Variants in CDH7 observed in about 807,000 individuals in gnomAD.
CDH7 encodes the protein cadherin-7.
In CDH7, 25 loss-of-function variants were observed where a neutral mutation model predicts 71.8. The ratio of observed to expected loss-of-function variants is 0.35; its 90% CI spans 0.25 to 0.49. CDH7 has a LOEUF of 0.49. CDH7 is among the 20% of genes least tolerant of loss of function. The probability of loss-of-function intolerance (pLI) is 0.99; values close to 1 mark genes in which losing one functional copy is unlikely to be tolerated. For synonymous variants in CDH7, 381 were observed against 363.8 expected (o/e 1.05, Z -0.54); for missense variants, 862 against 974.6 (o/e 0.88, Z 1.54).
At chr18:65,815,425 A>T (rs970026376) in intron 4 of CDH7, among the ~76,000 whole-genome samples, 1 of 152,158 alleles carries the variant, frequency 6.6e-6, no homozygotes, top group Admixed American at 6.6e-5. Context: ...AAATATATAC[A>T]TTTATGATTA....
In CDH7 at chr18:65,781,869, TCTCTCTCTCTGTCTCTCTCTC is replaced by T. The variant is rs1568181750; in HGVS notation, c.210+18818_210+18838del. 1.9e-4 allele frequency among the ~76,000 whole-genome samples: 22 copies of T among 117,650 alleles called. 1 individual carries two copies. Among genetic ancestry groups the T allele is most frequent in the South Asian group, 3.0e-4 (1 of 3,328 alleles). The allele number at this position is 117,650 out of a possible 152,430, so 77.2% of individuals were successfully genotyped here. A position where few individuals can be genotyped will look rare whatever the true frequency, so the allele number is the denominator to read the frequency against. On this transcript the variant is annotated intron_variant, in intron 2 of 11. Coordinates refer to ENST00000397968, the MANE Select transcript of CDH7 (RefSeq NM_004361.5). The stretch of plus-strand genomic sequence containing the variant: ...TTCTTTCTTTCTTTCTTTCTTTCTC[TCTCTCTCTCTGTCTCTCTCTC>T]TCTTTCTCTCTATCTTTCTCTCTTT...
In CDH7 at chr18:65,814,489, C is replaced by T; in HGVS notation, c.510C>T (p.Thr170=). The change falls in exon 4 of 12, where the codon ACC becomes ACT. Residue 170 remains threonine, a synonymous_variant. Transcript: ENST00000397968. ...GGTTTTGGGATTGGCATCTAGGGAC[C>T]TCAGTGGTACAAGTGACAGCGACGG... The part of the protein sequence containing the change: ...AGVPEMSPVG[T]SVVQVTATDA... 1 of 1,613,766 alleles carries T rather than the reference C, an allele frequency of 6.2e-7. No homozygotes were observed. Among genetic ancestry groups the T allele is most frequent in the Non-Finnish European group, 8.5e-7 (1 of 1,179,890 alleles).
intron 7 of CDH7, among the ~76,000 whole-genome samples, chr18:65,852,631 C>T (rs1258567772): frequency 3.9e-5 from 6 of 151,986 alleles, no homozygotes; most frequent in Non-Finnish European, 4.4e-5. Context: ...AGACTATAGG[C>T]TAAAAATGTA....
chr18:65,863,647 T>A (rs1913658512), intron 11 of CDH7: 1 of 152,244 alleles, frequency 6.6e-6, no homozygotes, highest in African/African-American at 2.4e-5. Flanking sequence ...ATTATTTGAT[T>A]GCTTTCTTAA....
chr18:65,822,435 A>G (rs1911969442), intron 5 of CDH7, among the ~76,000 whole-genome samples, 187 bp downstream of exon 5: 1 of 152,162 alleles, frequency 6.6e-6, no homozygotes, highest in Non-Finnish European at 1.5e-5. Flanking sequence ...GGTATTGAGA[A>G]GAAATAGAAG....
chr18:65,773,795 C>A (rs1916617470), intron 2 of CDH7, among the ~76,000 whole-genome samples: 2 of 152,034 alleles, frequency 1.3e-5, no homozygotes, highest in Non-Finnish European at 2.9e-5. Flanking sequence ...TGGATGGTTA[C>A]TGCATGTATG....
chr18:65,766,858 C>A (rs1916384607), intron 2 of CDH7, among the ~76,000 whole-genome samples: 1 of 131,434 alleles, frequency 7.6e-6, no homozygotes, highest in African/African-American at 2.7e-5. Context: ...TGGCATTACT[C>A]ACTTAACGTC....
At chr18:65,821,135 A>ACAAAC (rs141639121) in intron 4 of CDH7, among the ~76,000 whole-genome samples, 49 of 150,830 alleles carry the variant, frequency 3.2e-4, no homozygotes, top group Non-Finnish European at 5.8e-4. Context: ...AAACAAACAA[A>ACAAAC]AAAAAAAACA....
intron 4 of CDH7, among the ~76,000 whole-genome samples, chr18:65,815,876 A>G (rs1911707085): frequency 6.6e-6 from 1 of 152,194 alleles, no homozygotes; most frequent in Admixed American, 6.5e-5. Flanking sequence ...TACTCTTGGC[A>G]ACCTAAAAAG....
intron 1 of CDH7, among the ~76,000 whole-genome samples, chr18:65,754,509 T>A (rs1387215395): frequency 6.6e-6 from 1 of 152,232 alleles, no homozygotes; most frequent in Non-Finnish European, 1.5e-5. Context: ...GAGAGAGCTC[T>A]TTCATCAGAA....
chr18:65,803,812 T>G, intron 2 of CDH7: 1 of 151,704 alleles, frequency 6.6e-6, no homozygotes, highest in East Asian at 1.9e-4. Flanking sequence ...TGGAATACAC[T>G]TTTATTCTTT....
intron 7 of CDH7, among the ~76,000 whole-genome samples, chr18:65,848,837 C>A (rs1211602104): frequency 1.1e-5 from 1 of 88,222 alleles, no homozygotes; most frequent in Non-Finnish European, 2.8e-5. Context: ...ATAATATTTA[C>A]CCGTGGGCTT....
chr18:65,855,517 T>C (rs1913322845), intron 7 of CDH7, among the ~76,000 whole-genome samples: 1 of 90,504 alleles, frequency 1.1e-5, no homozygotes, highest in African/African-American at 2.8e-5. Context: ...GGATCAATTT[T>C]TCAAAAAGTG....
chr18:65,831,219 C>T (rs1223822247), intron 6 of CDH7, among the ~76,000 whole-genome samples: 1 of 152,078 alleles, frequency 6.6e-6, no homozygotes, highest in Non-Finnish European at 1.5e-5. Context: ...AATACTTTCC[C>T]TATATGTACT....
Position 65,824,847 on chromosome 18 carries a change from T to C in CDH7, c.981+16T>C, listed in dbSNP as rs1373342378. 2 of 1,530,740 alleles carry C rather than the reference T, an allele frequency of 1.3e-6. No homozygotes were observed. Among genetic ancestry groups the C allele is most frequent in the East Asian group, 4.6e-5 (2 of 43,788 alleles). 94.8% of individuals were successfully genotyped at this position (1,530,740 alleles called of 1,614,324 possible). ...TATACAGAAGGTAATGTTTTCTTTA[T>C]TTATCTTTTATCACAGATTACTGAG... On this transcript the variant is annotated intron_variant, in intron 6 of 11. Coordinates refer to ENST00000397968, the MANE Select transcript of CDH7 (RefSeq NM_004361.5).
chr18:65,770,044 G>C lies in CDH7; in HGVS notation c.210+6992G>C, dbSNP rs141166019. ...TAAATACTACTGCTGGTTTGAGGGA[G>C]GTGCAAGGGTTGATTCAGTACAATC... On this transcript the variant is annotated intron_variant, in intron 2 of 11. Transcript: ENST00000397968. Among the ~76,000 whole-genome samples the C allele has an allele frequency of 2.7e-4, 41 of 152,236 alleles. No homozygotes were observed. In the East Asian group the frequency reaches 7.5e-3, roughly 28 times the overall value.
chr18:65,774,634 T>C (rs968123754), intron 2 of CDH7, among the ~76,000 whole-genome samples: 2 of 151,692 alleles, frequency 1.3e-5, no homozygotes, highest in Admixed American at 6.6e-5. Flanking sequence ...GGGGCCGTCA[T>C]TGGGAGTGTC....
At chr18:65,807,625 C>G (rs1214929930) in intron 2 of CDH7, among the ~76,000 whole-genome samples, 2 of 152,144 alleles carry the variant, frequency 1.3e-5, no homozygotes, top group Non-Finnish European at 2.9e-5. Flanking sequence ...GGTGAGGGAG[C>G]ATTAGGAGAG....
chr18:65,844,197 A>ATATATATATATATATATAT (rs1297136960), intron 7 of CDH7, 132 bp downstream of exon 7: 52 of 242,018 alleles, frequency 2.1e-4, no homozygotes, highest in South Asian at 4.2e-4. Flanking sequence ...ATCGAGTTAT[A>ATATATATATATATATATAT]ACAGCAGAGG....
Sources: allele counts gnomAD v4.1 joint callset (sites outside exome capture counted in the v4.1 genomes callset), GRCh38; gene constraint gnomAD v4.1.1; transcripts MANE v1.5; gene names NCBI Gene and HGNC (gene_info 2026-07-23, HGNC 2026-07-21).